The following CCDC88C variants were observed in gnomAD, a reference collection of about 807,000 sequenced individuals.
CCDC88C encodes protein Daple.
CCDC88C carries 131 observed loss-of-function variants against 198.8 expected under a neutral mutation model. That is an observed-to-expected ratio of 0.66 (90% CI 0.57 to 0.76). CCDC88C has a LOEUF of 0.76. Ranked by LOEUF, CCDC88C falls within the 30% of genes least tolerant of loss-of-function variation. The pLI is 0.00. For missense variants in CCDC88C, 2,553 were observed against 2,631.6 expected, an observed-to-expected ratio of 0.97 and a Z score of 0.65; for synonymous variants, 1,166 against 1,114.7, an observed-to-expected ratio of 1.05 and a Z score of -0.92.
intron 27 of CCDC88C, chr14:91,279,884 CTTCT>C (rs745755560): frequency 6.6e-6 from 1 of 152,298 alleles, no homozygotes; most frequent in Non-Finnish European, 1.5e-5. Context: ...TATTCTTCAG[CTTCT>C]TTGTGTCATT....
At chr14:91,279,377 A>G (rs931073100) in intron 27 of CCDC88C, 71 bp from the exon 28 acceptor site, 1 of 1,293,948 alleles carries the variant, frequency 7.7e-7, no homozygotes, top group Non-Finnish European at 1.1e-6. Flanking sequence ...CCATCTAAGA[A>G]AAACGATGCA....
At chr14:91,281,335 C>T in intron 27 of CCDC88C, 122 bp downstream of exon 27, 2 of 1,553,114 alleles carry the variant, frequency 1.3e-6, no homozygotes, top group Non-Finnish European at 1.7e-6. Flanking sequence ...AGAATGGGTC[C>T]CCCATTTCCA....
intron 3 of CCDC88C, among the ~76,000 whole-genome samples, chr14:91,363,946 G>T (rs887745253): frequency 6.6e-5 from 10 of 152,386 alleles, no homozygotes; most frequent in Middle Eastern, 3.4e-3. Context: ...AGCTGATGCT[G>T]TCCTGCCAGG....
chr14:91,353,009 T>C (rs1208581825), intron 4 of CCDC88C, among the ~76,000 whole-genome samples: 1 of 151,590 alleles, frequency 6.6e-6, no homozygotes, highest in Admixed American at 6.5e-5. Flanking sequence ...GGCTGTGCCG[T>C]GTGGGCTACG....
Position 91,417,715 on chromosome 14 carries a change from G to GCGCCCCC in CCDC88C, c.-32_-26dup. ...TGCTGAGGCTGCGCCCGCCGGCTCC[G>GCGCCCCC]CGCCCCCCGCCCCGCGTCCCCGTTC... On this transcript the variant is annotated 5_prime_UTR_variant, in exon 1 of 30. Transcript: ENST00000389857. 6 of 1,489,116 alleles carry GCGCCCCC rather than the reference G, an allele frequency of 4.0e-6. No individual in the cohort carries two copies. The highest frequency in any genetic ancestry group is 5.4e-6 in the Non-Finnish European group (6 of 1,121,158). The allele number at this position is 1,489,116 out of a possible 1,614,324, so 92.2% of individuals were successfully genotyped here.
chr14:91,408,580 G>T, intron 3 of CCDC88C, 79 bp downstream of exon 3: 1 of 895,446 alleles, frequency 1.1e-6, no homozygotes, highest in Non-Finnish European at 1.9e-6. Context: ...GTTTCCTCCC[G>T]GCCTCCTGTG....
chr14:91,292,064 G>T (rs951033450), intron 23 of CCDC88C, among the ~76,000 whole-genome samples: 1 of 152,152 alleles, frequency 6.6e-6, no homozygotes, highest in East Asian at 1.9e-4. Flanking sequence ...TACATGAGAG[G>T]TAACAGCTCA....
chr14:91,379,754 C>T (rs1884666600), intron 3 of CCDC88C: 6 of 691,126 alleles, frequency 8.7e-6, no homozygotes, highest in South Asian at 6.1e-5. Flanking sequence ...GGCAGCCACA[C>T]CCCGTGCCCG....
chr14:91,278,096 G>A lies in CCDC88C; in HGVS notation c.4884C>T (p.Leu1628=), dbSNP rs759681446. 17 of 1,612,610 alleles carry A rather than the reference G, an allele frequency of 1.1e-5. No homozygotes were observed. Among genetic ancestry groups the A allele is most frequent in the South Asian group, 5.5e-5 (5 of 90,868 alleles). ...GAGGCAAGGGGTACTCGTGGCGGCC[G>A]AGGGCGTTGCGTCCCGGTGTGCTGG... ...REASTPGRNA[L]GRHEYPLPRN... Residue 1628 remains leucine, a synonymous_variant, in exon 29 of 30, where the codon CTC becomes CTT. Transcript: ENST00000389857.
chr14:91,358,987 T>C (rs1408334145), intron 4 of CCDC88C, among the ~76,000 whole-genome samples: 2 of 152,054 alleles, frequency 1.3e-5, no homozygotes, highest in African/African-American at 4.8e-5. Context: ...TACTCTCTTG[T>C]CTAAGGTACC....
Position 91,272,540 on chromosome 14 carries a change from C to A in CCDC88C, c.*85G>T. 1 of 1,396,142 alleles carries A rather than the reference C, an allele frequency of 7.2e-7. No homozygotes were observed. The highest frequency in any genetic ancestry group is 9.7e-7 in the Non-Finnish European group (1 of 1,026,442). 86.5% of individuals were successfully genotyped at this position (1,396,142 alleles called of 1,614,324 possible). A position where few individuals can be genotyped will look rare whatever the true frequency, so the allele number is the denominator to read the frequency against. On this transcript the variant is annotated 3_prime_UTR_variant, in exon 30 of 30. Transcript: ENST00000389857. Reference sequence around the variant, plus strand: ...TTCCTCATTCCAAACCCTCTCCTGGCACCGCAGGCAAGCAAGAGAAAAGGC... The same window carrying A: ...TTCCTCATTCCAAACCCTCTCCTGGAACCGCAGGCAAGCAAGAGAAAAGGC...
chr14:91,400,602 C>A (rs1401168238), intron 3 of CCDC88C, among the ~76,000 whole-genome samples: 1 of 152,214 alleles, frequency 6.6e-6, no homozygotes, highest in African/African-American at 2.4e-5. Context: ...GAGAGATCCC[C>A]AAAAGGCACT....
chr14:91,297,346 T>G lies in CCDC88C; in HGVS notation c.3925A>C (p.Thr1309Pro). The G allele has an allele frequency of 6.2e-7, 1 of 1,613,758 alleles. No individual in the cohort carries two copies. The highest frequency in any genetic ancestry group is 1.3e-5 in the African/African-American group (1 of 75,052). The stretch of plus-strand genomic sequence containing the variant: ...AGCTTGGTCAGCGAGATGTCCATGG[T>G]CTGGTGCTGCTCCTTCAGCTCGTCG... ...RFDELKEQHQ[T>P]MDISLTKLDN... Residue 1309 changes from threonine (T) to proline (P), a missense_variant, in exon 22 of 30, where the codon ACC (threonine) becomes CCC (proline). Around this residue, in one of 2 missense-constraint regions of CCDC88C, gnomAD observed 1,293 missense variants for 1,219.6 expected, o/e 1.06. Transcript: ENST00000389857.
chr14:91,340,037 A>G lies in CCDC88C; in HGVS notation c.484-13T>C, dbSNP rs374807468. The stretch of plus-strand genomic sequence containing the variant: ...GGTTGTGAGTCACCTGTGGGCACAC[A>G]TGGCAGGGCACTGCAGGGGCGGCAG... On this transcript the variant is annotated splice_polypyrimidine_tract_variant and intron_variant, in intron 6 of 29. Coordinates refer to ENST00000389857, the MANE Select transcript of CCDC88C (RefSeq NM_001080414.4). The G allele has an allele frequency of 6.2e-6, 10 of 1,608,324 alleles. No individual in the cohort carries two copies. Among genetic ancestry groups the G allele is most frequent in the South Asian group, 3.3e-5 (3 of 89,600 alleles).
intron 10 of CCDC88C, among the ~76,000 whole-genome samples, chr14:91,330,247 A>G (rs1330562243): frequency 2.0e-5 from 3 of 152,238 alleles, no homozygotes; most frequent in African/African-American, 7.2e-5. Context: ...TGGGAGACGC[A>G]GCCCGCACAG....
chr14:91,331,940 G>A (rs757080330), intron 10 of CCDC88C, among the ~76,000 whole-genome samples: 4 of 152,122 alleles, frequency 2.6e-5, no homozygotes, highest in African/African-American at 7.2e-5. Context: ...ACTGTGCCCA[G>A]CTAGGTCTCT....
intron 1 of CCDC88C, 138 bp from the exon 2 acceptor site, chr14:91,416,976 G>A (rs1887094502): frequency 4.3e-6 from 3 of 690,530 alleles, no homozygotes; most frequent in Non-Finnish European, 7.8e-6. Context: ...CCCTTCAGCA[G>A]GCACCAAGCC....
intron 4 of CCDC88C, among the ~76,000 whole-genome samples, chr14:91,351,320 G>T (rs1893781100): frequency 6.6e-6 from 1 of 152,142 alleles, no homozygotes; most frequent in African/African-American, 2.4e-5. Context: ...GCAGTGCACT[G>T]AACACGACCC....
intron 13 of CCDC88C, among the ~76,000 whole-genome samples, chr14:91,316,078 A>G (rs1892080841): frequency 6.6e-6 from 1 of 152,188 alleles, no homozygotes; most frequent in Non-Finnish European, 1.5e-5. Flanking sequence ...CGGGGGTTTC[A>G]CACGCACCCA....
Sources: allele counts gnomAD v4.1 joint callset (sites outside exome capture counted in the v4.1 genomes callset), GRCh38; gene constraint gnomAD v4.1.1; regional missense constraint gnomAD v4.1.1; transcripts MANE v1.5; gene names NCBI Gene and HGNC (gene_info 2026-07-23, HGNC 2026-07-21).